MACF1: variants seen among roughly 807,000 people sequenced by gnomAD.
MACF1 encodes the protein microtubule-actin cross-linking factor 1.
Under a neutral mutation model 854.8 loss-of-function variants are expected in MACF1, and 193 were observed. The ratio of observed to expected loss-of-function variants is 0.23; its 90% CI spans 0.20 to 0.25. The LOEUF (loss-of-function observed/expected upper bound fraction) is 0.25. MACF1 is among the 10% of genes least tolerant of loss of function. The probability of loss-of-function intolerance (pLI) is 1.00; values close to 1 mark genes in which losing one functional copy is unlikely to be tolerated. For missense variants in MACF1, 7,722 were observed against 8,929.1 expected (o/e 0.86, Z 5.45); for synonymous variants, 3,185 against 3,226.7 (o/e 0.99, Z 0.44).
At chr1:39,243,297 T>C (rs1270806353) in intron 2 of MACF1, among the ~76,000 whole-genome samples, 2 of 152,220 alleles carry the variant, frequency 1.3e-5, no homozygotes, top group Admixed American at 1.3e-4. Flanking sequence ...AGGCCCTGAA[T>C]TGCAGTTTTT....
chr1:39,128,137 G>T (rs957802137), intron 2 of MACF1, among the ~76,000 whole-genome samples: 3 of 151,972 alleles, frequency 2.0e-5, no homozygotes, highest in Non-Finnish European at 2.9e-5. Context: ...CTTTAGGTTG[G>T]TTGTGTCTCT....
At chr1:39,454,879 A>G in intron 88 of MACF1, 30 bp from the exon 89 acceptor site, 1 of 1,587,768 alleles carries the variant, frequency 6.3e-7, no homozygotes, top group Non-Finnish European at 8.6e-7. Flanking sequence ...CTTGACTGAA[A>G]GAGGCCATGG....
In MACF1 at chr1:39,455,085, C is replaced by T. The variant is rs369524203; in HGVS notation, c.21063C>T (p.Ile7021=). The T allele has an allele frequency of 8.9e-5, 144 of 1,613,860 alleles. No homozygotes were observed. The highest frequency in any genetic ancestry group is 2.9e-4 in the African/African-American group (22 of 75,048). The change falls in exon 89 of 101, where the codon ATC becomes ATT. Residue 7021 remains isoleucine, a synonymous_variant. Transcript: ENST00000564288. ...ACATTGACCGAGTTAAAGCCCTTAT[C>T]GCTGAGCATCAGGTATCTTAACCTC... The part of the protein sequence containing the change: ...PQNIDRVKAL[I]AEHQTFMEEM...
At chr1:39,328,769 G>A (rs996418318) in intron 36 of MACF1, 1 of 152,102 alleles carries the variant, frequency 6.6e-6, no homozygotes. Context: ...GCTTGTTTAG[G>A]TCAGAATGTC....
chr1:39,164,806 G>A (rs1643867476), intron 2 of MACF1, among the ~76,000 whole-genome samples: 1 of 152,180 alleles, frequency 6.6e-6, no homozygotes, highest in Non-Finnish European at 1.5e-5. Context: ...GATAAAATAG[G>A]TTGACAAACT....
chr1:39,373,672 G>A (rs1649454673), intron 52 of MACF1, among the ~76,000 whole-genome samples: 1 of 150,644 alleles, frequency 6.6e-6, no homozygotes, highest in African/African-American at 2.4e-5. Flanking sequence ...GGCCAAAATG[G>A]TGAAACCTTG....
chr1:39,356,693 CA>C (rs1237320183), intron 44 of MACF1, among the ~76,000 whole-genome samples: 3 of 152,242 alleles, frequency 2.0e-5, no homozygotes, highest in African/African-American at 7.2e-5. Flanking sequence ...TTTATATTGT[CA>C]CATGTATGAT....
chr1:39,112,726 G>A (rs1291727195), intron 2 of MACF1, among the ~76,000 whole-genome samples: 1 of 151,988 alleles, frequency 6.6e-6, no homozygotes, highest in African/African-American at 2.4e-5. Flanking sequence ...TGGGATGAGG[G>A]GTAATTCTTT....
intron 2 of MACF1, among the ~76,000 whole-genome samples, chr1:39,248,975 A>G (rs998176080): frequency 6.6e-6 from 1 of 151,864 alleles, no homozygotes; most frequent in Non-Finnish European, 1.5e-5. Context: ...TCAAACTCCT[A>G]GGGTCAAGGG....
chr1:39,219,742 C>T (rs2148288542), intron 1 of MACF1, among the ~76,000 whole-genome samples: 1 of 152,294 alleles, frequency 6.6e-6, no homozygotes, highest in East Asian at 1.9e-4. Context: ...GGAGTACCTG[C>T]TCCCTGCTGA....
chr1:39,332,276 G>C lies in MACF1; in HGVS notation c.5688G>C (p.Glu1896Asp). The C allele has an allele frequency of 6.2e-7, 1 of 1,613,914 alleles. No individual in the cohort carries two copies. Among genetic ancestry groups the C allele is most frequent in the Non-Finnish European group, 8.5e-7 (1 of 1,180,022 alleles). Residue 1896 changes from glutamate to aspartate, a missense_variant, in exon 37 of 101, where the codon GAG (glutamate) becomes GAC (aspartate). This residue lies in a region of MACF1 where 1,531 missense variants were observed against 1,601.6 expected (regional missense o/e 0.96). Coordinates refer to ENST00000564288, the MANE Select transcript of MACF1 (RefSeq NM_001394062.1). ...CTCTGTTTCTACCAGCAACCACAGA[G>C]ATTTTGTCCTGGAAGAAAGCAATAG... ...IKALFLPATT[E>D]ILSWKKAIES...
In MACF1 at chr1:39,333,307, A is replaced by G. The variant is rs201160039; in HGVS notation, c.6719A>G (p.His2240Arg). Residue 2240 changes from histidine to arginine, a missense_variant, in exon 37 of 101, where the codon CAT becomes CGT. His to Arg is a conservative substitution (Grantham distance 29, BLOSUM62 0). Transcript: ENST00000564288. The stretch of plus-strand genomic sequence containing the variant: ...AAAACATTTCTGGCTAAGGATGACC[A>G]TAAAGAAAGTCAAGAAGCACAGAAC... ...LKKTFLAKDD[H>R]KESQEAQNIA... The G allele has an allele frequency of 3.1e-5, 50 of 1,614,060 alleles. No homozygotes were observed. Among genetic ancestry groups the G allele is most frequent in the Non-Finnish European group, 3.8e-5 (45 of 1,180,048 alleles).
chr1:39,234,820 C>G, intron 2 of MACF1, among the ~76,000 whole-genome samples: 1 of 43,550 alleles, frequency 2.3e-5, no homozygotes, highest in Non-Finnish European at 7.7e-5. Flanking sequence ...CTCCTCACCT[C>G]CCAGACGGGG....
chr1:39,447,476 T>C lies in MACF1; in HGVS notation c.19650T>C (p.Asn6550=), dbSNP rs762174858. Residue 6550 remains asparagine, a synonymous_variant, in exon 81 of 101, where the codon AAT becomes AAC. Coordinates refer to ENST00000564288, the MANE Select transcript of MACF1 (RefSeq NM_001394062.1). Reference sequence around the variant, plus strand: ...TCAACTTGGCAACAGAATTCCAGAATTCCCTACAAGAATTTATCAACTGGC... The same window carrying C: ...TCAACTTGGCAACAGAATTCCAGAACTCCCTACAAGAATTTATCAACTGGC... ...EALNLATEFQ[N]SLQEFINWLT... is the part of the protein sequence containing the mutation. 5 of 1,614,096 alleles carry C rather than the reference T, an allele frequency of 3.1e-6. No homozygotes were observed. The highest frequency in any genetic ancestry group is 4.2e-6 in the Non-Finnish European group (5 of 1,179,984).
rs1177113694 is a variant in MACF1, at chr1:39,448,250, A to G, written c.20088+98A>G. 4 of 1,366,222 alleles carry G rather than the reference A, an allele frequency of 2.9e-6. No individual in the cohort carries two copies. The African/African-American group carries it at 4.4e-5, about 15-fold the overall frequency. 84.6% of individuals were successfully genotyped at this position (1,366,222 alleles called of 1,614,324 possible). Reference sequence around the variant, plus strand: ...ATCAGAGCTAGTAAAAAGAAAACCAATTGGTTAATGTTTAAAAGTCAAAAT... The same window carrying G: ...ATCAGAGCTAGTAAAAAGAAAACCAGTTGGTTAATGTTTAAAAGTCAAAAT... On this transcript the variant is annotated intron_variant, in intron 83 of 100. Transcript: ENST00000564288.
chr1:39,295,203 A>G (rs1366775241), intron 19 of MACF1, 53 bp downstream of exon 19: 3 of 1,439,682 alleles, frequency 2.1e-6, no homozygotes, highest in Non-Finnish European at 2.9e-6. Flanking sequence ...TGTTGTTATA[A>G]AAGTATTCAA....
rs775085227 is a variant in MACF1, at chr1:39,385,907, C to T, written c.14322C>T (p.Leu4774=). Residue 4774 remains leucine, a synonymous_variant, in exon 57 of 101, where the codon CTC becomes CTT. Coordinates refer to ENST00000564288, the MANE Select transcript of MACF1 (RefSeq NM_001394062.1). ...GTTTGGAGACAGTTGCCCTGCCTCTCCAAGGTTTAGAAGACCTTGCAGGTA... is the reference window on the plus strand; with the variant it reads ...GTTTGGAGACAGTTGCCCTGCCTCTTCAAGGTTTAGAAGACCTTGCAGGTA... ...KKRLETVALP[L]QGLEDLAADR... is the part of the protein sequence containing the mutation. 2 of 1,611,848 alleles carry T rather than the reference C, an allele frequency of 1.2e-6. No homozygotes were observed. Among genetic ancestry groups the T allele is most frequent in the Non-Finnish European group, 1.7e-6 (2 of 1,178,464 alleles).
chr1:39,103,221 C>G (rs983729228), intron 2 of MACF1: 1 of 350,078 alleles, frequency 2.9e-6, no homozygotes, highest in Non-Finnish European at 5.6e-6. Flanking sequence ...GACTCTTCCC[C>G]TTTTTGCCCC....
intron 70 of MACF1, chr1:39,436,033 A>G: frequency 4.6e-6 from 2 of 439,026 alleles, no homozygotes; most frequent in Non-Finnish European, 8.0e-6. Flanking sequence ...ATCCTTTAGC[A>G]GATGATTTTG....
Sources: allele counts gnomAD v4.1 joint callset (sites outside exome capture counted in the v4.1 genomes callset), GRCh38; gene constraint gnomAD v4.1.1; regional missense constraint gnomAD v4.1.1; transcripts MANE v1.5; gene names NCBI Gene and HGNC (gene_info 2026-07-23, HGNC 2026-07-21).